Variants in MRPL48 observed in about 807,000 individuals in gnomAD.
MRPL48 encodes the protein mitochondrial ribosomal protein L48, also known as large ribosomal subunit protein mL48.
A neutral mutation model predicts 32.9 loss-of-function variants in MRPL48; 16 were observed. The ratio of observed to expected loss-of-function variants is 0.49; its 90% confidence interval spans 0.33 to 0.74. MRPL48 has a LOEUF of 0.74. Ranked by LOEUF, MRPL48 falls within the 30% of genes least tolerant of loss-of-function variation. MRPL48 has a pLI of 0.02. For missense variants in MRPL48, 206 were observed against 245.3 expected, an observed-to-expected ratio of 0.84 and a Z score of 1.07; for synonymous variants, 94 against 89.2, an observed-to-expected ratio of 1.05 and a Z score of -0.31.
chr11:73,820,224 G>A (rs1027612162), intron 3 of MRPL48, among the ~76,000 whole-genome samples: 8 of 152,046 alleles, frequency 5.3e-5, no homozygotes, highest in Non-Finnish European at 8.8e-5. Flanking sequence ...CACTACTCAC[G>A]CTGGTCTCTT....
intron 3 of MRPL48, among the ~76,000 whole-genome samples, chr11:73,823,438 C>G (rs1433744162): frequency 6.6e-6 from 1 of 152,052 alleles, no homozygotes; most frequent in Non-Finnish European, 1.5e-5. Flanking sequence ...CTTTATTATC[C>G]TCATTTATAA....
intron 1 of MRPL48, among the ~76,000 whole-genome samples, chr11:73,798,229 C>G (rs12285303): frequency 0.3 from 46,012 of 151,766 alleles, 7,418 homozygotes; most frequent in African/African-American, 0.43. Flanking sequence ...AGGCGCCCAC[C>G]ACTGTGCCTG....
At chr11:73,813,147 G>A in intron 3 of MRPL48, among the ~76,000 whole-genome samples, 1 of 151,808 alleles carries the variant, frequency 6.6e-6, no homozygotes, top group Admixed American at 6.6e-5. Flanking sequence ...TTTGCCATTT[G>A]TATTTGTTTC....
At chr11:73,794,184 G>GTATCTATCTATCTATC (rs56944899) in intron 1 of MRPL48, among the ~76,000 whole-genome samples, 73 of 139,290 alleles carry the variant, frequency 5.2e-4, no homozygotes, top group Admixed American at 1.5e-3. Flanking sequence ...GTGAGACCCT[G>GTATCTATCTATCTATC]TATCTATCTA....
intron 1 of MRPL48, among the ~76,000 whole-genome samples, chr11:73,790,062 ATTTTTTTT>A (rs34534770): frequency 1.9e-5 from 2 of 103,826 alleles, no homozygotes; most frequent in Non-Finnish European, 3.8e-5. Flanking sequence ...TGCTCAGCTA[ATTTTTTTT>A]TTTTTTTTTT....
At chr11:73,834,242 GGTA>G (rs1400969323) in intron 4 of MRPL48, among the ~76,000 whole-genome samples, 5 of 152,120 alleles carry the variant, frequency 3.3e-5, no homozygotes, top group African/African-American at 1.2e-4. Context: ...CATGAATTGT[GGTA>G]GTAGTTTAGC....
chr11:73,793,521 A>G (rs921251147), intron 1 of MRPL48, among the ~76,000 whole-genome samples: 1 of 152,236 alleles, frequency 6.6e-6, no homozygotes, highest in Non-Finnish European at 1.5e-5. Flanking sequence ...AGGACGTTGC[A>G]TGACTACTAA....
At chr11:73,850,621 A>G (rs1435245652) in intron 5 of MRPL48, 1 of 313,616 alleles carries the variant, frequency 3.2e-6, no homozygotes, top group Non-Finnish European at 6.1e-6. Flanking sequence ...AGTTGTCCAA[A>G]TTATTTTCTC....
At chr11:73,835,140 CTTTTT>C (rs35448499) in intron 4 of MRPL48, among the ~76,000 whole-genome samples, 5,876 of 108,446 alleles carry the variant, frequency 0.054, 194 homozygotes, top group Middle Eastern at 0.17. Context: ...GCCATGTTGT[CTTTTT>C]TTTTTTTTTT....
intron 5 of MRPL48, among the ~76,000 whole-genome samples, chr11:73,856,324 A>C (rs1180971659): frequency 1.3e-5 from 2 of 152,116 alleles, no homozygotes; most frequent in African/African-American, 4.8e-5. Flanking sequence ...ATTTCATCTT[A>C]ATCCATTTTT....
rs181913101 is a variant in MRPL48, at chr11:73,788,882, A to T, written c.21+890A>T. On this transcript the variant is annotated intron_variant, in intron 1 of 7. Transcript: ENST00000310614. ...TTTCTCCCGTTCCCTTAACAGATTT[A>T]ACAGATTTCATTTGTGCTCTTTCAA... Among the ~76,000 whole-genome samples, 623 of 152,358 alleles carry T rather than the reference A, an allele frequency of 4.1e-3. 5 individuals carry two copies. The highest frequency in any genetic ancestry group is 6.5e-3 in the Non-Finnish European group (441 of 68,034).
At chr11:73,824,474 A>G (rs904051022) in intron 3 of MRPL48, among the ~76,000 whole-genome samples, 4 of 151,758 alleles carry the variant, frequency 2.6e-5, no homozygotes, top group Non-Finnish European at 4.4e-5. Flanking sequence ...AATCCCAGCT[A>G]CTCAGGAGGC....
intron 2 of MRPL48, among the ~76,000 whole-genome samples, chr11:73,807,768 G>A (rs978919977): frequency 1.1e-4 from 16 of 150,914 alleles, no homozygotes; most frequent in African/African-American, 3.7e-4. Context: ...CTCCCGATTA[G>A]CTGGGATTAC....
intron 5 of MRPL48, among the ~76,000 whole-genome samples, chr11:73,852,581 A>G (rs1036515994): frequency 1.3e-5 from 2 of 152,148 alleles, no homozygotes; most frequent in Non-Finnish European, 2.9e-5. Context: ...GCTTTTATCC[A>G]AAAGACAGGC....
At chr11:73,841,141 TC>T (rs989877887) in intron 4 of MRPL48, among the ~76,000 whole-genome samples, 1 of 152,228 alleles carries the variant, frequency 6.6e-6, no homozygotes, top group African/African-American at 2.4e-5. Context: ...TATACTGTTT[TC>T]TAAGTGTTAG....
chr11:73,863,251 C>T lies in MRPL48; in HGVS notation c.554C>T (p.Ser185Leu). 2 of 1,564,374 alleles carry T rather than the reference C, an allele frequency of 1.3e-6. No individual in the cohort carries two copies. The highest frequency in any genetic ancestry group is 2.4e-5 in the South Asian group (2 of 84,776). The part of the protein sequence containing the change: ...QSSLPEGVRL[S>L]VKEHTEEDFK... ...AGTCTTCCTGAAGGAGTCAGACTGT[C>T]AGTGAAGGAGGTAGGTGCTGGTTTG... The change falls in exon 7 of 8, where the codon TCA becomes TTA. Residue 185 changes from serine (S) to leucine (L), a missense_variant. Physicochemically the swap from Ser to Leu is moderately radical, Grantham distance 145. Coordinates refer to ENST00000310614, the MANE Select transcript of MRPL48 (RefSeq NM_016055.6).
chr11:73,804,959 C>G, intron 1 of MRPL48, 68 bp from the exon 2 acceptor site: 1 of 1,473,774 alleles, frequency 6.8e-7, no homozygotes, highest in South Asian at 1.2e-5. Context: ...TTTCTTGCCT[C>G]TCTGAGAAGA....
intron 3 of MRPL48, among the ~76,000 whole-genome samples, chr11:73,814,986 T>G (rs1311612734): frequency 7.4e-6 from 1 of 135,790 alleles, no homozygotes; most frequent in Non-Finnish European, 1.6e-5. Flanking sequence ...AGAGCAAGAC[T>G]TGGTCTCATA....
chr11:73,841,085 C>T (rs998001666), intron 4 of MRPL48, among the ~76,000 whole-genome samples: 1 of 152,150 alleles, frequency 6.6e-6, no homozygotes, highest in Non-Finnish European at 1.5e-5. Flanking sequence ...ATTGCATTAC[C>T]ACTACCAAAA....
Sources: allele counts gnomAD v4.1 joint callset (sites outside exome capture counted in the v4.1 genomes callset), GRCh38; gene constraint gnomAD v4.1.1; transcripts MANE v1.5; gene names NCBI Gene and HGNC (gene_info 2026-07-23, HGNC 2026-07-21).